The following PRKN variants were observed in gnomAD, a reference collection of about 807,000 sequenced individuals.
PRKN encodes E3 ubiquitin-protein ligase parkin.
A neutral mutation model predicts 59.5 loss-of-function variants in PRKN; 56 were observed. The ratio of observed to expected loss-of-function variants is 0.94; its 90% CI spans 0.76 to 1.18. PRKN has a LOEUF of 1.18. Among genes scored for constraint, PRKN ranks in the 50% most tolerant of loss-of-function variants. The probability of loss-of-function intolerance (pLI) is 0.00; values close to 1 mark genes in which losing one functional copy is unlikely to be tolerated. For missense variants in PRKN, 657 were observed against 596.4 expected, an observed-to-expected ratio of 1.10 and a Z score of -1.06; for synonymous variants, 250 against 222.1, an observed-to-expected ratio of 1.13 and a Z score of -1.12.
intron 7 of PRKN, among the ~76,000 whole-genome samples, chr6:161,761,660 A>G (rs1269834329): frequency 6.6e-6 from 1 of 152,220 alleles, no homozygotes; most frequent in African/African-American, 2.4e-5. Context: ...AGGAAAGGCC[A>G]ATCATACATA....
Position 162,201,119 on chromosome 6 carries a change from G to T in PRKN, c.534+12C>A, listed in dbSNP as rs1228423523. ...TTCCTGGCAGTCTCATGCTGACACT[G>T]CATTTCCTTACCTGGGTCAAGGTGA... is the stretch of plus-strand genomic sequence containing the variant. On this transcript the variant is annotated intron_variant, in intron 4 of 11. Coordinates refer to ENST00000366898, the MANE Select transcript of PRKN (RefSeq NM_004562.3). The T allele has an allele frequency of 6.2e-7, 1 of 1,613,848 alleles. No homozygotes were observed. The highest frequency in any genetic ancestry group is 8.5e-7 in the Non-Finnish European group (1 of 1,179,846).
chr6:162,407,622 T>A (rs891888068), intron 2 of PRKN, among the ~76,000 whole-genome samples: 2 of 152,168 alleles, frequency 1.3e-5, no homozygotes, highest in African/African-American at 4.8e-5. Context: ...AATTATTACA[T>A]AACAAAGAAT....
At chr6:162,537,109 G>T (rs1778750172) in intron 1 of PRKN, among the ~76,000 whole-genome samples, 1 of 152,168 alleles carries the variant, frequency 6.6e-6, no homozygotes, top group African/African-American at 2.4e-5. Flanking sequence ...GCCTGAACTA[G>T]GTACAGAGAA....
intron 2 of PRKN, among the ~76,000 whole-genome samples, chr6:162,351,790 A>C (rs778597999): frequency 1.3e-5 from 2 of 152,166 alleles, no homozygotes; most frequent in Non-Finnish European, 2.9e-5. Context: ...TGGATGAAAG[A>C]ATCCAGTCAA....
chr6:162,270,519 A>G (rs527552731), intron 2 of PRKN, among the ~76,000 whole-genome samples: 1 of 152,280 alleles, frequency 6.6e-6, no homozygotes, highest in South Asian at 2.1e-4. Flanking sequence ...GAAAAAAATC[A>G]TTTCAGTGGA....
In PRKN at chr6:161,529,893, C is replaced by A. The variant is rs947925435; in HGVS notation, c.1083+18961G>T. On this transcript the variant is annotated intron_variant, in intron 9 of 11. Transcript: ENST00000366898. The surrounding 1 kb of genome is among the most constrained non-coding windows in gnomAD (Gnocchi z 4.4). Reference sequence around the variant, plus strand: ...CACTTGACACAAATTAATGTCAATCCTTGAGGGACCAGTTCCTTTTCCACG... The same window carrying A: ...CACTTGACACAAATTAATGTCAATCATTGAGGGACCAGTTCCTTTTCCACG... Among the ~76,000 whole-genome samples the A allele has an allele frequency of 6.6e-6, 1 of 152,110 alleles. No homozygotes were observed. The highest frequency in any genetic ancestry group is 1.5e-5 in the Non-Finnish European group (1 of 68,024).
chr6:162,146,155 A>C (rs1167866651), intron 4 of PRKN, among the ~76,000 whole-genome samples: 1 of 152,050 alleles, frequency 6.6e-6, no homozygotes, highest in Non-Finnish European at 1.5e-5. Flanking sequence ...CTCCCAACTG[A>C]TTATCTCTTT....
intron 7 of PRKN, among the ~76,000 whole-genome samples, chr6:161,611,333 C>T (rs1454895289): frequency 6.6e-6 from 1 of 152,190 alleles, no homozygotes; most frequent in Non-Finnish European, 1.5e-5. Context: ...TGTCACTTCA[C>T]TGCATTTTAC....
At chr6:162,667,293 A>G (rs941411165) in intron 1 of PRKN, among the ~76,000 whole-genome samples, 3 of 152,116 alleles carry the variant, frequency 2.0e-5, no homozygotes, top group African/African-American at 7.2e-5. Flanking sequence ...AAAGCCAGCC[A>G]GAAGATTTTT....
chr6:162,161,376 G>A (rs147914181), intron 4 of PRKN, among the ~76,000 whole-genome samples: 33 of 152,332 alleles, frequency 2.2e-4, no homozygotes, highest in Non-Finnish European at 4.6e-4. Context: ...CATCTTCTCA[G>A]AGGTATAGCA....
intron 7 of PRKN, among the ~76,000 whole-genome samples, chr6:161,713,010 A>G (rs1201358292): frequency 6.6e-6 from 1 of 152,210 alleles, no homozygotes; most frequent in African/African-American, 2.4e-5. Context: ...CCACAAGACT[A>G]GAGACCTCAA....
Position 162,303,891 on chromosome 6 carries a change from T to C in PRKN, c.172-41126A>G, listed in dbSNP as rs542775282. 5.9e-5 allele frequency among the ~76,000 whole-genome samples: 9 copies of C among 151,956 alleles called. No individual in the cohort carries two copies. The East Asian group carries it at 1.4e-3, about 23-fold the overall frequency. ...GTAGTGGAGGGCCAGGAGGAGGCAA[T>C]GGGAGGATAGGAATGAGGAGGGAGG... is the stretch of plus-strand genomic sequence containing the variant. On this transcript the variant is annotated intron_variant, in intron 2 of 11. Transcript: ENST00000366898.
intron 6 of PRKN, among the ~76,000 whole-genome samples, chr6:161,907,173 G>C (rs992802609): frequency 3.3e-5 from 5 of 152,096 alleles, no homozygotes; most frequent in Admixed American, 2.6e-4. Flanking sequence ...TCTTTTCTCT[G>C]CCCTTATGGA....
chr6:162,386,302 G>A (rs1375887358), intron 2 of PRKN, among the ~76,000 whole-genome samples: 2 of 152,126 alleles, frequency 1.3e-5, no homozygotes, highest in South Asian at 4.1e-4. Flanking sequence ...AAAACAGCAC[G>A]TGGTATATAA....
chr6:162,412,548 G>A (rs1455047540), intron 2 of PRKN, among the ~76,000 whole-genome samples: 1 of 151,928 alleles, frequency 6.6e-6, no homozygotes, highest in East Asian at 1.9e-4. Flanking sequence ...TGGAATTCCA[G>A]CAATCATAAG....
chr6:162,574,315 GA>G (rs1318895261), intron 1 of PRKN, among the ~76,000 whole-genome samples: 1 of 152,108 alleles, frequency 6.6e-6, no homozygotes, highest in Non-Finnish European at 1.5e-5. Flanking sequence ...AAGGCTAAAG[GA>G]AACAGGCTTC....
intron 2 of PRKN, chr6:162,264,624 G>A (rs1780045060): frequency 6.6e-6 from 1 of 152,638 alleles, no homozygotes; most frequent in Non-Finnish European, 1.5e-5. Flanking sequence ...CTCATCCCCA[G>A]GCCCTGTGCC....
chr6:162,347,187 G>T (rs1489508884), intron 2 of PRKN, among the ~76,000 whole-genome samples: 1 of 143,650 alleles, frequency 7.0e-6, no homozygotes, highest in Non-Finnish European at 1.5e-5. Flanking sequence ...TCTTTCTGTT[G>T]TCTTTTTTCT....
intron 4 of PRKN, among the ~76,000 whole-genome samples, chr6:162,117,145 A>G (rs552617182): frequency 6.6e-6 from 1 of 152,360 alleles, no homozygotes; most frequent in African/African-American, 2.4e-5. Flanking sequence ...AAAGCAGGGA[A>G]AGAAAAAGCT....
Sources: gnomAD v4.1 joint callset for allele counts (sites outside exome capture counted in the v4.1 genomes callset) on GRCh38, gnomAD v4.1.1 for gene constraint, Gnocchi (gnomAD v3.1) non-coding constraint, MANE v1.5 for transcripts, NCBI Gene and HGNC (gene_info 2026-07-23, HGNC 2026-07-21) for gene names.